SYNPO2: variants seen among roughly 807,000 people sequenced by gnomAD.
SYNPO2 encodes the protein synaptopodin-2.
A neutral mutation model predicts 85.0 loss-of-function variants in SYNPO2; 56 were observed. The observed-to-expected ratio is 0.66, with a 90% CI of 0.53 to 0.82. The LOEUF is 0.82. Ranked by LOEUF, SYNPO2 falls within the 40% of genes least tolerant of loss-of-function variation. The pLI is 0.00. For synonymous variants in SYNPO2, 602 were observed against 591.1 expected (o/e 1.02, Z -0.27); for missense variants, 1,575 against 1,534.2 (o/e 1.03, Z -0.44).
In SYNPO2 at chr4:119,023,548, G is replaced by A; in HGVS notation, c.224G>A (p.Ser75Asn). 1 of 1,613,710 alleles carries A rather than the reference G, an allele frequency of 6.2e-7. No homozygotes were observed. The highest frequency in any genetic ancestry group is 8.5e-7 in the Non-Finnish European group (1 of 1,179,742). ...TYPEVIKLME[S>N]ITDSLQMLIK... ...CCTGAAGTCATCAAGCTCATGGAAA[G>A]CATAACAGACTCTCTCCAAATGCTC... is the stretch of plus-strand genomic sequence containing the variant. The change falls in exon 2 of 5, where the codon AGC becomes AAC. Residue 75 changes from serine (S) to asparagine (N), a missense_variant. Physicochemically the swap from Ser to Asn is conservative, Grantham distance 46 (BLOSUM62 1). Coordinates refer to ENST00000307142, the MANE Select transcript of SYNPO2 (RefSeq NM_133477.3).
At chr4:118,925,973 A>C (rs1388280492) in intron 1 of SYNPO2, among the ~76,000 whole-genome samples, 1 of 152,204 alleles carries the variant, frequency 6.6e-6, no homozygotes, top group Non-Finnish European at 1.5e-5. Flanking sequence ...AAACAAAGAT[A>C]AATTAGACAT....
chr4:118,959,871 G>A (rs1016820716), intron 1 of SYNPO2, among the ~76,000 whole-genome samples: 1 of 136,018 alleles, frequency 7.4e-6, no homozygotes, highest in Non-Finnish European at 1.7e-5. Flanking sequence ...ATTTGTTTGT[G>A]TCCTAATTCC....
intron 1 of SYNPO2, among the ~76,000 whole-genome samples, chr4:118,873,018 G>A (rs559960409): frequency 1.1e-3 from 162 of 151,814 alleles, no homozygotes; most frequent in Non-Finnish European, 1.9e-3. Flanking sequence ...TTTTTTTATG[G>A]CTCAATAGTA....
chr4:118,860,643 C>T (rs1237647261), intron 1 of SYNPO2, among the ~76,000 whole-genome samples: 1 of 151,300 alleles, frequency 6.6e-6, no homozygotes, highest in African/African-American at 2.4e-5. Context: ...GCAACCTCAG[C>T]CTCCTGGGTT....
intron 1 of SYNPO2, among the ~76,000 whole-genome samples, chr4:118,878,943 C>T (rs932679835): frequency 7.2e-5 from 11 of 152,162 alleles, no homozygotes; most frequent in Non-Finnish European, 1.3e-4. Context: ...TTTGGGTCCG[C>T]ACTACCTCTA....
intron 4 of SYNPO2, among the ~76,000 whole-genome samples, chr4:119,050,512 A>G (rs1474584954): frequency 2.0e-5 from 3 of 152,188 alleles, no homozygotes; most frequent in Admixed American, 6.5e-5. Flanking sequence ...CTGGAAAAAT[A>G]GGGATAATAA....
chr4:118,990,069 A>T (rs1736354905), intron 1 of SYNPO2, among the ~76,000 whole-genome samples: 1 of 152,256 alleles, frequency 6.6e-6, no homozygotes, highest in African/African-American at 2.4e-5. Context: ...TTTAATGAGA[A>T]GACGGAAATG....
Position 118,908,516 on chromosome 4 carries a change from T to G in SYNPO2, c.105+19375T>G, listed in dbSNP as rs150593407. The stretch of plus-strand genomic sequence containing the variant: ...ATTAGATTTCCAGATCGTTTCAGGA[T>G]AAAAAACATTCGTAAGTATGATCAA... On this transcript the variant is annotated intron_variant, in intron 1 of 4. Transcript: ENST00000307142. Among the ~76,000 whole-genome samples the G allele has an allele frequency of 4.5e-3, 690 of 152,282 alleles. 7 individuals carry two copies. Among genetic ancestry groups the G allele is most frequent in the African/African-American group, 0.016 (656 of 41,564 alleles).
At chr4:118,859,778 G>T (rs1165100335) in intron 1 of SYNPO2, among the ~76,000 whole-genome samples, 1 of 152,094 alleles carries the variant, frequency 6.6e-6, no homozygotes, top group Non-Finnish European at 1.5e-5. Flanking sequence ...GTACTCCATT[G>T]TGTATACATA....
chr4:118,853,410 T>C (rs1408788178), intron 1 of SYNPO2, among the ~76,000 whole-genome samples: 6 of 152,172 alleles, frequency 3.9e-5, no homozygotes, highest in Non-Finnish European at 8.8e-5. Context: ...ATAAGTAGTA[T>C]TAAGCATTGC....
At chr4:118,930,327 C>G (rs1733880616) in intron 1 of SYNPO2, among the ~76,000 whole-genome samples, 1 of 152,110 alleles carries the variant, frequency 6.6e-6, no homozygotes, top group East Asian at 1.9e-4. Flanking sequence ...GTCAGTTGTT[C>G]TAGTTATCAT....
chr4:118,877,147 C>G (rs145052497), intron 1 of SYNPO2, among the ~76,000 whole-genome samples: 4 of 152,022 alleles, frequency 2.6e-5, no homozygotes, highest in Non-Finnish European at 5.9e-5. Flanking sequence ...AACTTAAAAG[C>G]ACATAAATGT....
chr4:118,961,154 C>T (rs1292565286), intron 1 of SYNPO2, among the ~76,000 whole-genome samples: 1 of 126,636 alleles, frequency 7.9e-6, no homozygotes, highest in Non-Finnish European at 1.6e-5. Context: ...GACAATTTTG[C>T]TTGTCACTAC....
chr4:119,038,220 C>T (rs1738593209), intron 4 of SYNPO2: 1 of 984,876 alleles, frequency 1.0e-6, no homozygotes, highest in Non-Finnish European at 1.2e-6. Context: ...TCACCAAGAG[C>T]CTACTGTCTC....
chr4:119,042,055 A>C (rs1273655658), intron 4 of SYNPO2: 3 of 150,774 alleles, frequency 2.0e-5, no homozygotes, highest in Non-Finnish European at 2.9e-5. Flanking sequence ...TGTAAACTGC[A>C]CCTGCTTCCA....
intron 1 of SYNPO2, among the ~76,000 whole-genome samples, chr4:118,928,747 T>C (rs1005542512): frequency 6.6e-6 from 1 of 152,206 alleles, no homozygotes; most frequent in African/African-American, 2.4e-5. Flanking sequence ...CCTAGTTATC[T>C]TGGGATACTG....
chr4:118,917,749 T>C (rs911784378), intron 1 of SYNPO2, among the ~76,000 whole-genome samples: 3 of 152,210 alleles, frequency 2.0e-5, no homozygotes, highest in Admixed American at 6.5e-5. Context: ...TGTTACTAAA[T>C]AGGCATCATC....
chr4:119,032,929 T>TACCCC, intron 4 of SYNPO2: 4 of 905,324 alleles, frequency 4.4e-6, no homozygotes, highest in Non-Finnish European at 5.3e-6. Context: ...AAAGGTTGAT[T>TACCCC]CCCACCCTCC....
intron 1 of SYNPO2, among the ~76,000 whole-genome samples, chr4:119,020,044 G>C (rs558935980): frequency 1.1e-4 from 16 of 152,146 alleles, no homozygotes; most frequent in Middle Eastern, 3.4e-3. Flanking sequence ...ATAAAAATAC[G>C]TAATTACGCA....
Sources: gnomAD v4.1 joint callset for allele counts (sites outside exome capture counted in the v4.1 genomes callset) on GRCh38, gnomAD v4.1.1 for gene constraint, MANE v1.5 for transcripts, NCBI Gene and HGNC (gene_info 2026-07-23, HGNC 2026-07-21) for gene names.